Variants in TACR1 observed in about 807,000 individuals in gnomAD.
TACR1 encodes the protein tachykinin receptor 1, also known as substance-P receptor.
TACR1 carries 25 observed loss-of-function variants against 35.8 expected under a neutral mutation model. The ratio of observed to expected loss-of-function variants is 0.70; its 90% CI spans 0.51 to 0.98. TACR1 has a LOEUF of 0.98. Ranked by LOEUF, TACR1 falls within the 50% of genes least tolerant of loss-of-function variation. The pLI, the probability that TACR1 is intolerant of heterozygous loss-of-function variation, is 0.00. For synonymous variants in TACR1, 195 were observed against 206.7 expected, an observed-to-expected ratio of 0.94 and a Z score of 0.48; for missense variants, 478 against 522.9, an observed-to-expected ratio of 0.91 and a Z score of 0.84.
intron 1 of TACR1, among the ~76,000 whole-genome samples, chr2:75,145,693 T>G (rs1674495535): frequency 6.6e-6 from 1 of 152,208 alleles, no homozygotes. Context: ...TGTCAAATAT[T>G]CCTTTACTAA....
chr2:75,141,421 C>A (rs1288866052), intron 1 of TACR1, among the ~76,000 whole-genome samples: 1 of 152,122 alleles, frequency 6.6e-6, no homozygotes, highest in East Asian at 1.9e-4. Context: ...AAGCTCAAAG[C>A]TGCCATGCAG....
chr2:75,083,781 C>A (rs1303428730), intron 2 of TACR1, among the ~76,000 whole-genome samples: 2 of 152,092 alleles, frequency 1.3e-5, no homozygotes, highest in Non-Finnish European at 1.5e-5. Context: ...GATTTTGCAT[C>A]CTGAGACTTT....
At chr2:75,106,260 T>C (rs1558554935) in intron 2 of TACR1, among the ~76,000 whole-genome samples, 1 of 152,028 alleles carries the variant, frequency 6.6e-6, no homozygotes, top group Non-Finnish European at 1.5e-5. Context: ...AAAAAATTAT[T>C]AAAGAGAGGG....
At chr2:75,120,164 G>T (rs1007008078) in intron 2 of TACR1, among the ~76,000 whole-genome samples, 1 of 152,172 alleles carries the variant, frequency 6.6e-6, no homozygotes, top group Non-Finnish European at 1.5e-5. Flanking sequence ...CTCAATCATT[G>T]TTGAGAGCTG....
chr2:75,183,036 T>C (rs1446055546), intron 1 of TACR1, among the ~76,000 whole-genome samples: 1 of 152,238 alleles, frequency 6.6e-6, no homozygotes, highest in Non-Finnish European at 1.5e-5. Flanking sequence ...CTTGCCATTG[T>C]ATCCCTGAAT....
chr2:75,179,976 T>C (rs1675523462), intron 1 of TACR1, among the ~76,000 whole-genome samples: 1 of 152,206 alleles, frequency 6.6e-6, no homozygotes, highest in Non-Finnish European at 1.5e-5. Context: ...CTCTAGCCTC[T>C]ACCCTGACTC....
At chr2:75,151,746 T>C (rs201777014) in intron 1 of TACR1, among the ~76,000 whole-genome samples, 8 of 152,030 alleles carry the variant, frequency 5.3e-5, no homozygotes, top group Non-Finnish European at 8.8e-5. Context: ...GAATAGCAGA[T>C]GCACCAACAG....
At chr2:75,185,642 T>A (rs537402127) in intron 1 of TACR1, among the ~76,000 whole-genome samples, 1 of 152,208 alleles carries the variant, frequency 6.6e-6, no homozygotes, top group Non-Finnish European at 1.5e-5. Flanking sequence ...ATTTTAATCT[T>A]TTAAATTGGA....
intron 1 of TACR1, among the ~76,000 whole-genome samples, chr2:75,140,394 T>C (rs1674378584): frequency 6.6e-6 from 1 of 152,072 alleles, no homozygotes; most frequent in African/African-American, 2.4e-5. Flanking sequence ...TTTAAGGAAA[T>C]CAAATTTGCC....
chr2:75,117,339 T>TA (rs1434267090), intron 2 of TACR1, among the ~76,000 whole-genome samples: 1 of 152,244 alleles, frequency 6.6e-6, no homozygotes, highest in Non-Finnish European at 1.5e-5. Context: ...AGAAGGCAGG[T>TA]GCAGCAACCT....
At chr2:75,150,447 T>C (rs917876918) in intron 1 of TACR1, among the ~76,000 whole-genome samples, 2 of 152,182 alleles carry the variant, frequency 1.3e-5, no homozygotes, top group African/African-American at 2.4e-5. Context: ...TTTCTTGTGA[T>C]AGTGAATGAG....
chr2:75,178,765 C>A (rs1231470064), intron 1 of TACR1, among the ~76,000 whole-genome samples: 1 of 152,124 alleles, frequency 6.6e-6, no homozygotes, highest in Non-Finnish European at 1.5e-5. Flanking sequence ...CTTCCTTCTT[C>A]CCGAAATGCT....
chr2:75,071,553 G>T (rs1672881902), intron 2 of TACR1, among the ~76,000 whole-genome samples: 1 of 152,056 alleles, frequency 6.6e-6, no homozygotes, highest in Non-Finnish European at 1.5e-5. Context: ...CAAGTGCTCT[G>T]CAGGCTCCTA....
intron 1 of TACR1, among the ~76,000 whole-genome samples, chr2:75,186,262 C>A (rs1415125960): frequency 2.0e-5 from 3 of 150,426 alleles, no homozygotes; most frequent in Middle Eastern, 7.0e-3. Flanking sequence ...ATCCCAGCTA[C>A]TCGGGAGGCT....
intron 2 of TACR1, among the ~76,000 whole-genome samples, chr2:75,077,109 T>C (rs1181320627): frequency 2.0e-5 from 3 of 152,150 alleles, no homozygotes; most frequent in Non-Finnish European, 4.4e-5. Context: ...TAGCTTGGAT[T>C]ACAGGCATGT....
rs371430524 is a variant in TACR1, at chr2:75,125,101, T to C, written c.390-4333A>G. ...TGTGGCTGTGTTTGTTGCCTGCCTT[T>C]ACTGCTGTGAAGATCTCTAAACCTT... is the stretch of plus-strand genomic sequence containing the variant. On this transcript the variant is annotated intron_variant, in intron 1 of 4. Transcript: ENST00000305249. Among the ~76,000 whole-genome samples, 69 of 152,372 alleles carry C rather than the reference T, an allele frequency of 4.5e-4. 2 individuals carry two copies. Among genetic ancestry groups the C allele is most frequent in the East Asian group, 4.0e-3 (21 of 5,192 alleles).
chr2:75,168,965 G>T (rs1295346240), intron 1 of TACR1, among the ~76,000 whole-genome samples: 2 of 151,824 alleles, frequency 1.3e-5, no homozygotes, highest in Admixed American at 1.3e-4. Context: ...AAAATACAAA[G>T]AAATATTAGG....
intron 1 of TACR1, among the ~76,000 whole-genome samples, chr2:75,172,470 T>C (rs1018571511): frequency 2.0e-5 from 3 of 152,174 alleles, no homozygotes; most frequent in Admixed American, 6.5e-5. Context: ...CTTTTCGGGC[T>C]GTCCCCCGTC....
chr2:75,190,957 G>A (rs185475911), intron 1 of TACR1, among the ~76,000 whole-genome samples: 139 of 152,298 alleles, frequency 9.1e-4, no homozygotes, highest in African/African-American at 3.2e-3. Flanking sequence ...AAGGGCAGGG[G>A]ATTAGGCCCA....
Sources: gnomAD v4.1 joint callset for allele counts (sites outside exome capture counted in the v4.1 genomes callset) on GRCh38, gnomAD v4.1.1 for gene constraint, MANE v1.5 for transcripts, NCBI Gene and HGNC (gene_info 2026-07-23, HGNC 2026-07-21) for gene names.